The following CRLF3 variants were observed in gnomAD, a reference collection of about 807,000 sequenced individuals.
CRLF3 encodes the protein cytokine receptor-like factor 3.
In CRLF3, 33 loss-of-function variants were observed where a neutral mutation model predicts 55.0. That is an observed-to-expected ratio of 0.60 (90% confidence interval 0.46 to 0.80). The LOEUF is 0.80. Among genes scored for constraint, CRLF3 ranks in the 30% least tolerant of loss-of-function variants. The pLI is 0.00. For missense variants in CRLF3, 494 were observed against 538.4 expected (o/e 0.92, Z 0.82); for synonymous variants, 238 against 196.8 (o/e 1.21, Z -1.75).
At chr17:30,792,368 C>A in intron 6 of CRLF3, 72 bp downstream of exon 6, 1 of 1,399,610 alleles carries the variant, frequency 7.1e-7, no homozygotes, top group South Asian at 1.3e-5. Flanking sequence ...GTTTTGAATT[C>A]AAAGCTTATG....
At chr17:30,802,314 G>GT (rs1215295001) in intron 2 of CRLF3, among the ~76,000 whole-genome samples, 1 of 152,146 alleles carries the variant, frequency 6.6e-6, no homozygotes, top group Non-Finnish European at 1.5e-5. Context: ...TAGGGACGGG[G>GT]TTTCACCATG....
intron 1 of CRLF3, chr17:30,809,698 T>C (rs1179837114): frequency 6.6e-6 from 1 of 152,240 alleles, no homozygotes; most frequent in Non-Finnish European, 1.5e-5. Context: ...TCGTCCAGGC[T>C]GGAGAGCAGT....
Position 30,807,717 on chromosome 17 carries a change from G to C in CRLF3, c.130-3609C>G, listed in dbSNP as rs370675019. On this transcript the variant is annotated intron_variant, in intron 1 of 7. Coordinates refer to ENST00000324238, the MANE Select transcript of CRLF3 (RefSeq NM_015986.4). ...CTGGCTAATTTTTGTATTTTTAGTA[G>C]AGACAAAGTTTCGCCAAGCTGGTCT... Among the ~76,000 whole-genome samples the C allele has an allele frequency of 6.6e-5, 10 of 151,758 alleles. No homozygotes were observed. The South Asian group carries it at 2.1e-3, about 32-fold the overall frequency.
intron 4 of CRLF3, among the ~76,000 whole-genome samples, chr17:30,795,817 T>G (rs1257464748): frequency 1.3e-5 from 2 of 151,726 alleles, no homozygotes. Flanking sequence ...GTGCCTATAA[T>G]CCCAGCTACT....
At position 30,810,855 on chromosome 17, in the gene CRLF3, T is replaced by A. The variant is rs529528178; in HGVS notation, c.130-6747A>T. Among the ~76,000 whole-genome samples the A allele has an allele frequency of 4.1e-4, 62 of 151,918 alleles. 1 individual carries two copies. Among genetic ancestry groups the A allele is most frequent in the South Asian group, 3.1e-3 (15 of 4,820 alleles). On this transcript the variant is annotated intron_variant, in intron 1 of 7. Coordinates refer to ENST00000324238, the MANE Select transcript of CRLF3 (RefSeq NM_015986.4). ...CTCATGCCTATAATCCCGGCACTTTTGAAGGACGGATCACTTGTGTCCAGG... is the reference window on the plus strand; with the variant it reads ...CTCATGCCTATAATCCCGGCACTTTAGAAGGACGGATCACTTGTGTCCAGG...
chr17:30,784,124 A>C lies in CRLF3; in HGVS notation c.*63T>G. 6.8e-7 allele frequency: 1 copy of C among 1,466,130 alleles called. No homozygotes were observed. The highest frequency in any genetic ancestry group is 9.2e-7 in the Non-Finnish European group (1 of 1,084,104). 90.8% of individuals were successfully genotyped at this position (1,466,130 alleles called of 1,614,324 possible). A position where few individuals can be genotyped will look rare whatever the true frequency, so the allele number is the denominator to read the frequency against. On this transcript the variant is annotated 3_prime_UTR_variant, in exon 8 of 8. Transcript: ENST00000324238. ...TCAACTTTTTTTTTAAAGCAATTAC[A>C]ACTACGCTGGGCTGAGGACAGCTAC...
In CRLF3 at chr17:30,793,645, A is replaced by G; in HGVS notation, c.631T>C (p.Tyr211His). 1 of 1,613,812 alleles carries G rather than the reference A, an allele frequency of 6.2e-7. No homozygotes were observed. The highest frequency in any genetic ancestry group is 8.5e-7 in the Non-Finnish European group (1 of 1,179,758). Residue 211 changes from tyrosine (Y) to histidine (H), a missense_variant, in exon 5 of 8, where the codon TAC (tyrosine) becomes CAC (histidine). By Grantham distance (83) the Tyr-to-His change is moderately conservative. Transcript: ENST00000324238. Reference sequence around the variant, plus strand: ...GTACATTTACGAAACTGGAGCCTGTAATCTTGGGCTGTAAAGTCATCATCC... The same window carrying G: ...GTACATTTACGAAACTGGAGCCTGTGATCTTGGGCTGTAAAGTCATCATCC... ...KVDDDFTAQD[Y>H]RLQFRKCTSN...
At chr17:30,790,761 C>G (rs889338525) in intron 6 of CRLF3, 1 of 151,356 alleles carries the variant, frequency 6.6e-6, no homozygotes, top group Non-Finnish European at 1.5e-5. Context: ...GGACTACAGG[C>G]GCACCTCACC....
chr17:30,797,220 TC>T, intron 3 of CRLF3, 90 bp downstream of exon 3: 1 of 902,656 alleles, frequency 1.1e-6, no homozygotes. Flanking sequence ...ATTCTCTATC[TC>T]CCTTAATGAG....
chr17:30,819,785 A>G (rs566306268), intron 1 of CRLF3, among the ~76,000 whole-genome samples: 1 of 152,330 alleles, frequency 6.6e-6, no homozygotes, highest in South Asian at 2.1e-4. Flanking sequence ...AAATGAATAC[A>G]CAAATAGAAC....
chr17:30,799,727 ACTC>A (rs1343107483), intron 2 of CRLF3, among the ~76,000 whole-genome samples: 1 of 150,926 alleles, frequency 6.6e-6, no homozygotes, highest in Non-Finnish European at 1.5e-5. Flanking sequence ...CTGGTCTTGA[ACTC>A]CTGACCTCAG....
At position 30,784,289 on chromosome 17, in the gene CRLF3, A is replaced by T; in HGVS notation, c.1227T>A (p.Asn409Lys). The change falls in exon 8 of 8, where the codon AAT becomes AAA. Residue 409 changes from asparagine (N) to lysine (K), a missense_variant. Coordinates refer to ENST00000324238, the MANE Select transcript of CRLF3 (RefSeq NM_015986.4). ...HFKLRVTISS[N>K]NREVVFDWLL... ...ACCAGTCAAAAACCACTTCTCTATT[A>T]TTTGAACTTATAGTTACTCGAAGCT... 1 of 1,614,090 alleles carries T rather than the reference A, an allele frequency of 6.2e-7. No homozygotes were observed. Among genetic ancestry groups the T allele is most frequent in the Non-Finnish European group, 8.5e-7 (1 of 1,179,948 alleles).
intron 6 of CRLF3, 60 bp downstream of exon 6, chr17:30,792,380 A>T (rs533239298): frequency 5.4e-6 from 8 of 1,486,074 alleles, no homozygotes; most frequent in Non-Finnish European, 7.4e-6. Flanking sequence ...AAGCTTATGT[A>T]TGCTCTATGC....
In CRLF3 at chr17:30,792,547, G is replaced by A. The variant is rs1204473891; in HGVS notation, c.852C>T (p.Tyr284=). 1 of 1,605,416 alleles carries A rather than the reference G, an allele frequency of 6.2e-7. No individual in the cohort carries two copies. Among genetic ancestry groups the A allele is most frequent in the Non-Finnish European group, 8.5e-7 (1 of 1,172,916 alleles). ...CTATATTTCTTCGACTGCTCAGACT[G>A]TACCCCTCAAAACCAGCTGTCCACT... The part of the protein sequence containing the change: ...PHEWTAGFEG[Y]SLSSRRNIAL... The change falls in exon 6 of 8, where the codon TAC becomes TAT. Residue 284 remains tyrosine (Y), a synonymous_variant. Coordinates refer to ENST00000324238, the MANE Select transcript of CRLF3 (RefSeq NM_015986.4).
chr17:30,806,671 CAGAGACAGGG>C (rs1290253055), intron 1 of CRLF3, among the ~76,000 whole-genome samples: 1 of 152,072 alleles, frequency 6.6e-6, no homozygotes, highest in Non-Finnish European at 1.5e-5. Context: ...TCTTTTATTT[CAGAGACAGGG>C]TCTCACTCTG....
At chr17:30,804,134 A>C in intron 1 of CRLF3, 26 bp from the exon 2 acceptor site, 2 of 1,537,942 alleles carry the variant, frequency 1.3e-6, no homozygotes, top group Non-Finnish European at 1.8e-6. Context: ...AAAATACTCA[A>C]AATCAGAATC....
intron 3 of CRLF3, 74 bp downstream of exon 3, chr17:30,797,237 T>G (rs1971932119): frequency 1.9e-6 from 2 of 1,038,018 alleles, no homozygotes; most frequent in Non-Finnish European, 1.5e-6. Flanking sequence ...ATGAGAATCT[T>G]GAACAGAGGG....
chr17:30,789,188 C>T (rs140336881), intron 6 of CRLF3, among the ~76,000 whole-genome samples: 102 of 152,272 alleles, frequency 6.7e-4, no homozygotes, highest in South Asian at 6.0e-3. Context: ...TTCAGTTAAT[C>T]ACCCTGCCAA....
rs1264046015 is a variant in CRLF3 at position 30,824,516 on chromosome 17, C to T, written c.129+7G>A. 4 of 1,584,704 alleles carry T rather than the reference C, an allele frequency of 2.5e-6. No individual in the cohort carries two copies. The highest frequency in any genetic ancestry group is 2.7e-5 in the African/African-American group (2 of 74,062). ...CCACAGCGCCCCTGTGGGTGTGGCC[C>T]TCCGACCTGCCTCCGCGCCTCACGC... On this transcript the variant is annotated splice_region_variant and intron_variant, in intron 1 of 7. Coordinates refer to ENST00000324238, the MANE Select transcript of CRLF3 (RefSeq NM_015986.4).
Sources: gnomAD v4.1 joint callset for allele counts (sites outside exome capture counted in the v4.1 genomes callset) on GRCh38, gnomAD v4.1.1 for gene constraint, MANE v1.5 for transcripts, NCBI Gene and HGNC (gene_info 2026-07-23, HGNC 2026-07-21) for gene names.